Variants in LRP1B observed in about 807,000 individuals in gnomAD.
LRP1B encodes low-density lipoprotein receptor-related protein 1B.
Under a neutral mutation model 556.6 loss-of-function variants are expected in LRP1B, and 217 were observed. The observed-to-expected ratio is 0.39, with a 90% CI of 0.35 to 0.44. The LOEUF is 0.44. Ranked by LOEUF, LRP1B falls within the 20% of genes least tolerant of loss-of-function variation. LRP1B has a pLI of 1.00. For missense variants in LRP1B, 5,053 were observed against 5,620.8 expected, an observed-to-expected ratio of 0.90 and a Z score of 3.23; for synonymous variants, 2,047 against 1,865.8, an observed-to-expected ratio of 1.10 and a Z score of -2.50.
intron 2 of LRP1B, among the ~76,000 whole-genome samples, chr2:141,774,278 G>C (rs914956432): frequency 3.9e-5 from 6 of 152,164 alleles, no homozygotes; most frequent in African/African-American, 1.4e-4. Context: ...TGTTTCTGCA[G>C]GCTATATAGG....
In LRP1B at chr2:140,717,685, C is replaced by G. The variant is rs920245031; in HGVS notation, c.5759-869G>C. 5.9e-5 allele frequency among the ~76,000 whole-genome samples: 9 copies of G among 152,106 alleles called. No individual in the cohort carries two copies. In the East Asian group the frequency reaches 1.7e-3, roughly 29 times the overall value. On this transcript the variant is annotated intron_variant, in intron 35 of 90. Transcript: ENST00000389484. Reference sequence around the variant, plus strand: ...AGCAACTAAGTACGTTTTTGTGTTGCGACCTACATGGCCATTTGAAGAATA... The same window carrying G: ...AGCAACTAAGTACGTTTTTGTGTTGGGACCTACATGGCCATTTGAAGAATA...
At chr2:141,699,916 A>C (rs1196686964) in intron 2 of LRP1B, among the ~76,000 whole-genome samples, 1 of 150,028 alleles carries the variant, frequency 6.7e-6, no homozygotes, top group Non-Finnish European at 1.5e-5. Context: ...TCCAGGGCAC[A>C]TTCCTTTGTC....
chr2:140,987,537 T>C (rs1573954884), intron 17 of LRP1B, among the ~76,000 whole-genome samples: 2 of 152,260 alleles, frequency 1.3e-5, no homozygotes, highest in Middle Eastern at 6.8e-3. Context: ...AAAAACCATG[T>C]AGAAACCAGC....
chr2:141,294,281 C>T (rs1404071135), intron 3 of LRP1B, among the ~76,000 whole-genome samples: 1 of 151,814 alleles, frequency 6.6e-6, no homozygotes, highest in Non-Finnish European at 1.5e-5. Context: ...ATTTAAGAGT[C>T]AGAAAAAATA....
intron 31 of LRP1B, among the ~76,000 whole-genome samples, chr2:140,828,080 C>T (rs1691570825): frequency 6.6e-6 from 1 of 151,972 alleles, no homozygotes; most frequent in East Asian, 1.9e-4. Flanking sequence ...GCTGAGGGAA[C>T]TCGCAATCAC....
At chr2:140,821,341 C>T (rs1376112187) in intron 31 of LRP1B, among the ~76,000 whole-genome samples, 1 of 152,100 alleles carries the variant, frequency 6.6e-6, no homozygotes, top group Admixed American at 6.5e-5. Flanking sequence ...TGTGTGTTAG[C>T]ATGTGTAATT....
intron 2 of LRP1B, among the ~76,000 whole-genome samples, chr2:141,692,741 A>T (rs1691590546): frequency 6.6e-6 from 1 of 151,996 alleles, no homozygotes; most frequent in African/African-American, 2.4e-5. Context: ...CCTACTACAC[A>T]CCTAGGCTAT....
At chr2:140,775,434 T>C (rs1689458898) in intron 33 of LRP1B, among the ~76,000 whole-genome samples, 1 of 151,064 alleles carries the variant, frequency 6.6e-6, no homozygotes, top group Non-Finnish European at 1.5e-5. Context: ...AAGAGACTAA[T>C]GTATGAAAGT....
intron 7 of LRP1B, among the ~76,000 whole-genome samples, chr2:141,117,387 T>A (rs1700932858): frequency 6.6e-6 from 1 of 152,014 alleles, no homozygotes; most frequent in African/African-American, 2.4e-5. Context: ...TTAAACATGC[T>A]TTTAAATCAG....
At chr2:141,256,479 C>T (rs1225208422) in intron 3 of LRP1B, among the ~76,000 whole-genome samples, 2 of 151,862 alleles carry the variant, frequency 1.3e-5, no homozygotes, top group East Asian at 3.9e-4. Context: ...GGAGACATAG[C>T]TGGTTATTGA....
rs2105098643 is a variant in LRP1B, at chr2:140,841,152, G to A, written c.4940-60C>T. On this transcript the variant is annotated intron_variant, in intron 29 of 90. Coordinates refer to ENST00000389484, the MANE Select transcript of LRP1B (RefSeq NM_018557.3). ...TGAAGTTTTTCATTGTACTGGCTCT[G>A]CAAGTAGTTATTTTCTATCTAAGGG... The A allele has an allele frequency of 3.7e-6, 4 of 1,080,106 alleles. No individual in the cohort carries two copies. In the South Asian group the frequency reaches 7.0e-5, roughly 19 times the overall value. 66.9% of individuals were successfully genotyped at this position (1,080,106 alleles called of 1,614,324 possible). A position where few individuals can be genotyped will look rare whatever the true frequency, so the allele number is the denominator to read the frequency against.
At chr2:140,597,327 A>G (rs1682481940) in intron 43 of LRP1B, among the ~76,000 whole-genome samples, 1 of 152,186 alleles carries the variant, frequency 6.6e-6, no homozygotes, top group Non-Finnish European at 1.5e-5. Flanking sequence ...TATAATTACC[A>G]TACATAAGAA....
chr2:141,711,019 T>C (rs553624995), intron 2 of LRP1B, among the ~76,000 whole-genome samples: 2 of 152,344 alleles, frequency 1.3e-5, no homozygotes, highest in African/African-American at 4.8e-5. Flanking sequence ...TATGCCTTGT[T>C]AATTCCATTG....
chr2:141,521,677 AT>A (rs1002426253), intron 2 of LRP1B, among the ~76,000 whole-genome samples: 3 of 152,126 alleles, frequency 2.0e-5, no homozygotes, highest in Admixed American at 6.6e-5. Flanking sequence ...TACTATTTAT[AT>A]TGTGTCAAAT....
chr2:141,742,015 T>G (rs939093031), intron 2 of LRP1B, among the ~76,000 whole-genome samples: 4 of 152,208 alleles, frequency 2.6e-5, no homozygotes, highest in Non-Finnish European at 5.9e-5. Flanking sequence ...CATATGAATA[T>G]CCAGTTTTCC....
chr2:141,629,958 C>T (rs1044170018), intron 2 of LRP1B, among the ~76,000 whole-genome samples: 2 of 151,984 alleles, frequency 1.3e-5, no homozygotes, highest in Non-Finnish European at 2.9e-5. Flanking sequence ...CAGTCCCACC[C>T]CATGTCAAGG....
intron 2 of LRP1B, among the ~76,000 whole-genome samples, chr2:141,493,327 A>G (rs912494685): frequency 2.0e-5 from 3 of 152,160 alleles, no homozygotes; most frequent in East Asian, 1.9e-4. Context: ...GTAGTAGACT[A>G]TGGAAGAATC....
chr2:140,841,174 A>T, intron 29 of LRP1B, 82 bp from the exon 30 acceptor site: 2 of 869,232 alleles, frequency 2.3e-6, no homozygotes. Context: ...TTTCTATCTA[A>T]GGGAAAATTT....
At chr2:141,537,472 G>T (rs1382201674) in intron 2 of LRP1B, among the ~76,000 whole-genome samples, 1 of 152,020 alleles carries the variant, frequency 6.6e-6, no homozygotes, top group African/African-American at 2.4e-5. Flanking sequence ...AAGGAAAAAT[G>T]GTACTGACTG....
Sources: allele counts gnomAD v4.1 joint callset (sites outside exome capture counted in the v4.1 genomes callset), GRCh38; gene constraint gnomAD v4.1.1; transcripts MANE v1.5; gene names NCBI Gene and HGNC (gene_info 2026-07-23, HGNC 2026-07-21).